The following IGSF21 variants were observed in gnomAD, a reference collection of about 807,000 sequenced individuals.
IGSF21 encodes immunoglobulin superfamily member 21.
IGSF21 carries 28 observed loss-of-function variants against 46.8 expected under a neutral mutation model. The observed-to-expected ratio is 0.60, with a 90% CI of 0.44 to 0.82. IGSF21 has a LOEUF of 0.82. Among genes scored for constraint, IGSF21 ranks in the 40% least tolerant of loss-of-function variants. The probability of loss-of-function intolerance (pLI) is 0.00; values close to 1 mark genes in which losing one functional copy is unlikely to be tolerated. For synonymous variants in IGSF21, 284 were observed against 273.6 expected (o/e 1.04, Z -0.38); for missense variants, 624 against 665.5 (o/e 0.94, Z 0.69).
intron 3 of IGSF21, among the ~76,000 whole-genome samples, chr1:18,301,094 T>G (rs679836): frequency 0.1 from 15,596 of 152,286 alleles, 1,062 homozygotes; most frequent in African/African-American, 0.19. Context: ...TCATCTGGTT[T>G]AACCTGTGGA....
In IGSF21 at chr1:18,282,635, T is replaced by TACACACACACACACAC. The variant is rs10522294; in HGVS notation, c.184-9209_184-9194dup. On this transcript the variant is annotated intron_variant, in intron 2 of 9. Transcript: ENST00000251296. ...TTTGCCAAAAACTCATCCCCTTACA[T>TACACACACACACACAC]ACACACACACACACACACACACACA... Among the ~76,000 whole-genome samples the TACACACACACACACAC allele has an allele frequency of 7.3e-5, 10 of 137,550 alleles. 1 individual carries two copies. The highest frequency in any genetic ancestry group is 2.7e-4 in the African/African-American group (10 of 37,278). 90.2% of individuals were successfully genotyped at this position (137,550 alleles called of 152,430 possible). A position where few individuals can be genotyped will look rare whatever the true frequency, so the allele number is the denominator to read the frequency against.
intron 4 of IGSF21, among the ~76,000 whole-genome samples, chr1:18,343,467 A>G (rs1160344811): frequency 2.0e-5 from 3 of 152,064 alleles, no homozygotes; most frequent in Non-Finnish European, 4.4e-5. Context: ...CAGTTTATCT[A>G]TTTTTTCTTT....
At chr1:18,287,043 TA>T (rs1188981011) in intron 2 of IGSF21, among the ~76,000 whole-genome samples, 1 of 150,842 alleles carries the variant, frequency 6.6e-6, no homozygotes, top group Non-Finnish European at 1.5e-5. Context: ...TAGCCGGGCG[TA>T]GTGGCGGGCA....
chr1:18,300,939 A>G (rs1300493678), intron 3 of IGSF21, among the ~76,000 whole-genome samples: 1 of 151,938 alleles, frequency 6.6e-6, no homozygotes, highest in African/African-American at 2.4e-5. Flanking sequence ...TCCCTTCTTC[A>G]TCTCTGGGTC....
At chr1:18,113,571 A>AT (rs1438985385) in intron 1 of IGSF21, 1 of 150,928 alleles carries the variant, frequency 6.6e-6, no homozygotes, top group Non-Finnish European at 1.5e-5. Flanking sequence ...CACATACTAA[A>AT]TTTGCTTTGG....
At chr1:18,346,391 A>C (rs1309968126) in intron 4 of IGSF21, among the ~76,000 whole-genome samples, 2 of 152,122 alleles carry the variant, frequency 1.3e-5, no homozygotes, top group Non-Finnish European at 2.9e-5. Context: ...AATGAATAAG[A>C]TGGCACGTTT....
At chr1:18,228,205 A>G (rs2084589371) in intron 2 of IGSF21, among the ~76,000 whole-genome samples, 195 bp downstream of exon 2, 1 of 152,032 alleles carries the variant, frequency 6.6e-6, no homozygotes, top group South Asian at 2.1e-4. Flanking sequence ...TACCCTCAGG[A>G]CTGATCTGGT....
At chr1:18,307,666 C>A (rs1192730642) in intron 3 of IGSF21, among the ~76,000 whole-genome samples, 1 of 152,248 alleles carries the variant, frequency 6.6e-6, no homozygotes, top group Non-Finnish European at 1.5e-5. Context: ...CAATCCCCAT[C>A]ACCCTTGGCC....
Position 18,322,483 on chromosome 1 carries a change from G to A in IGSF21, c.306-12409G>A, listed in dbSNP as rs991786069. 6.6e-6 allele frequency among the ~76,000 whole-genome samples: 1 copy of A among 152,088 alleles called. No homozygotes were observed. The highest frequency in any genetic ancestry group is 1.5e-5 in the Non-Finnish European group (1 of 68,014). ...GATTCCTGTTAAATAAAGCAATCAC[G>A]AACGATAGGAAGGAGGCGGCGAGCT... On this transcript the variant is annotated intron_variant, in intron 3 of 9. Coordinates refer to ENST00000251296, the MANE Select transcript of IGSF21 (RefSeq NM_032880.5). The surrounding 1 kb of genome is among the most constrained non-coding windows in gnomAD (Gnocchi z 4.3).
At chr1:18,286,538 C>G (rs1461647456) in intron 2 of IGSF21, among the ~76,000 whole-genome samples, 1 of 152,186 alleles carries the variant, frequency 6.6e-6, no homozygotes. Flanking sequence ...AGGATGTTTT[C>G]CTGCACAGAA....
intron 4 of IGSF21, among the ~76,000 whole-genome samples, chr1:18,355,640 T>TTTGATTGG (rs2086007862): frequency 6.6e-6 from 1 of 151,602 alleles, no homozygotes; most frequent in Non-Finnish European, 1.5e-5. Flanking sequence ...AGTCAACTGG[T>TTTGATTGG]TTGATTGGGG....
chr1:18,346,768 G>A (rs913393284), intron 4 of IGSF21, among the ~76,000 whole-genome samples: 3 of 152,218 alleles, frequency 2.0e-5, no homozygotes, highest in Non-Finnish European at 4.4e-5. Flanking sequence ...GCAGCAGAAT[G>A]AGAAGTGGGG....
Position 18,223,498 on chromosome 1 carries a change from T to C in IGSF21, c.71-4400T>C, listed in dbSNP as rs543528411. 3.3e-5 allele frequency among the ~76,000 whole-genome samples: 5 copies of C among 152,338 alleles called. No homozygotes were observed. The South Asian group carries it at 6.2e-4, about 19-fold the overall frequency. The stretch of plus-strand genomic sequence containing the variant: ...GCTTGGCTGCTCTGTCCATGAGGCA[T>C]GGAATGAGGTGCTCCATAGCTCTGA... On this transcript the variant is annotated intron_variant, in intron 1 of 9. Coordinates refer to ENST00000251296, the MANE Select transcript of IGSF21 (RefSeq NM_032880.5).
chr1:18,163,466 C>A (rs2086648018), intron 1 of IGSF21, among the ~76,000 whole-genome samples: 1 of 152,126 alleles, frequency 6.6e-6, no homozygotes, highest in African/African-American at 2.4e-5. Flanking sequence ...TTGGCACTTG[C>A]CGGGAGGCGG....
At chr1:18,115,897 G>T (rs1055401935) in intron 1 of IGSF21, 5 of 90,310 alleles carry the variant, frequency 5.5e-5, no homozygotes, top group African/African-American at 7.8e-5. Flanking sequence ...AAGAAAGAAA[G>T]AAAGAAGGAG....
chr1:18,265,282 T>A (rs968561963), intron 2 of IGSF21, among the ~76,000 whole-genome samples: 1 of 152,134 alleles, frequency 6.6e-6, no homozygotes, highest in South Asian at 2.1e-4. Context: ...ACCCCAGTTG[T>A]GTTGTGTGAT....
chr1:18,140,828 C>A (rs61766497), intron 1 of IGSF21, among the ~76,000 whole-genome samples: 3 of 152,166 alleles, frequency 2.0e-5, no homozygotes, highest in Non-Finnish European at 2.9e-5. Context: ...CCATCCTCTG[C>A]GGGCTGCCCC....
At chr1:18,196,665 A>G (rs114138984) in intron 1 of IGSF21, among the ~76,000 whole-genome samples, 2,732 of 152,308 alleles carry the variant, frequency 0.018, 79 homozygotes, top group African/African-American at 0.062. Flanking sequence ...TAATGGCCCC[A>G]TGAGGTGGTG....
At chr1:18,268,798 C>G (rs2085015022) in intron 2 of IGSF21, among the ~76,000 whole-genome samples, 1 of 152,190 alleles carries the variant, frequency 6.6e-6, no homozygotes, top group Non-Finnish European at 1.5e-5. Flanking sequence ...GGGCTGAGAG[C>G]TGTCCCACAG....
Sources: allele counts gnomAD v4.1 joint callset (sites outside exome capture counted in the v4.1 genomes callset), GRCh38; gene constraint gnomAD v4.1.1; non-coding constraint Gnocchi (gnomAD v3.1); transcripts MANE v1.5; gene names NCBI Gene and HGNC (gene_info 2026-07-23, HGNC 2026-07-21).